The following EPB41L3 variants were observed in gnomAD, a reference collection of about 807,000 sequenced individuals.
The protein encoded by EPB41L3 is erythrocyte membrane protein band 4.1 like 3.
EPB41L3 carries 57 observed loss-of-function variants against 127.1 expected under a neutral mutation model. The ratio of observed to expected loss-of-function variants is 0.45; its 90% CI spans 0.36 to 0.56. EPB41L3 has a LOEUF of 0.56. EPB41L3 is among the 20% of genes least tolerant of loss of function. The probability of loss-of-function intolerance (pLI) is 0.00; values close to 1 mark genes in which losing one functional copy is unlikely to be tolerated. For missense variants in EPB41L3, 1,273 were observed against 1,372.2 expected (o/e 0.93, Z 1.14); for synonymous variants, 572 against 549.5 (o/e 1.04, Z -0.57).
At chr18:5,486,848 G>A (rs2089838595) in intron 2 of EPB41L3, among the ~76,000 whole-genome samples, 1 of 152,132 alleles carries the variant, frequency 6.6e-6, no homozygotes, top group Non-Finnish European at 1.5e-5. Context: ...AAGGATGTGG[G>A]GAAAGGAGAA....
At chr18:5,557,975 C>A (rs144804885) in intron 3 of EPB41L3, among the ~76,000 whole-genome samples, 1 of 152,282 alleles carries the variant, frequency 6.6e-6, no homozygotes, top group East Asian at 1.9e-4. Flanking sequence ...AAAAGTAGTT[C>A]CAACAAGATT....
intron 19 of EPB41L3, 42 bp downstream of exon 19, chr18:5,396,159 G>A: frequency 6.2e-7 from 1 of 1,613,128 alleles, no homozygotes; most frequent in Non-Finnish European, 8.5e-7. Context: ...ATAGAGGGGT[G>A]AAATAAGCAG....
intron 1 of EPB41L3, among the ~76,000 whole-genome samples, chr18:5,499,486 G>A (rs34089422): frequency 0.021 from 3,250 of 152,130 alleles, 53 homozygotes; most frequent in Admixed American, 0.032. Context: ...TGTTTTGGCT[G>A]GGTGCGGTGG....
At chr18:5,601,853 C>T (rs753881088) in intron 3 of EPB41L3, among the ~76,000 whole-genome samples, 1 of 152,114 alleles carries the variant, frequency 6.6e-6, no homozygotes, top group Non-Finnish European at 1.5e-5. Context: ...TAAACTGTAA[C>T]TCCATTATCA....
At chr18:5,624,301 A>C (rs988732662) in intron 1 of EPB41L3, among the ~76,000 whole-genome samples, 1 of 152,200 alleles carries the variant, frequency 6.6e-6, no homozygotes, top group Non-Finnish European at 1.5e-5. Flanking sequence ...GGCCTCGCTC[A>C]TGTATTTAGG....
intron 11 of EPB41L3, among the ~76,000 whole-genome samples, chr18:5,420,909 T>C (rs1963827): frequency 0.7 from 106,407 of 152,046 alleles, 38,627 homozygotes; most frequent in Non-Finnish European, 0.81. Context: ...CTAAACTATG[T>C]CACTAAAATA....
intron 3 of EPB41L3, among the ~76,000 whole-genome samples, chr18:5,461,058 AGTC>A (rs2083915726): frequency 6.6e-6 from 1 of 152,170 alleles, no homozygotes; most frequent in Non-Finnish European, 1.5e-5. Context: ...AGGAATTTGC[AGTC>A]ATCATACTAT....
At chr18:5,471,034 G>A (rs535559940) in intron 3 of EPB41L3, among the ~76,000 whole-genome samples, 6 of 152,138 alleles carry the variant, frequency 3.9e-5, no homozygotes, top group Non-Finnish European at 8.8e-5. Flanking sequence ...GAGTAGAAAG[G>A]GTAGCATCCT....
At chr18:5,407,764 T>A in intron 14 of EPB41L3, 28 bp from the exon 15 acceptor site, 1 of 1,612,350 alleles carries the variant, frequency 6.2e-7, no homozygotes, top group Non-Finnish European at 8.5e-7. Flanking sequence ...GAGTGGGAAA[T>A]AAAGTCTTAC....
rs368826257 is a variant in EPB41L3, at chr18:5,406,930, T to C, written c.2196A>G (p.Gln732=). The stretch of plus-strand genomic sequence containing the variant: ...TTCTTTTCAGCTCGCTAATGTTGGT[T>C]TGATGTTTCATCAGGTCATCTTGAG... The part of the protein sequence containing the change: ...EKTQDDLMKH[Q]TNISELKRTF... The change falls in exon 16 of 23, where the codon CAA becomes CAG. Residue 732 remains glutamine, a synonymous_variant. Coordinates refer to ENST00000341928, the MANE Select transcript of EPB41L3 (RefSeq NM_012307.5). 3 of 1,614,236 alleles carry C rather than the reference T, an allele frequency of 1.9e-6. No homozygotes were observed. The African/African-American group carries it at 4.0e-5, about 22-fold the overall frequency.
chr18:5,437,361 C>CG (rs2080010112), intron 6 of EPB41L3, among the ~76,000 whole-genome samples: 1 of 152,164 alleles, frequency 6.6e-6, no homozygotes, highest in Non-Finnish European at 1.5e-5. Context: ...ACCTGACCTG[C>CG]GGGCACCCTG....
Position 5,397,558 on chromosome 18 carries a change from A to G in EPB41L3, c.2473-132T>C. On this transcript the variant is annotated intron_variant, in intron 17 of 22. Coordinates refer to ENST00000341928, the MANE Select transcript of EPB41L3 (RefSeq NM_012307.5). The surrounding 1 kb of genome is among the most constrained non-coding windows in gnomAD (Gnocchi z 4.1). ...TTATAACCAGAAACACTGACGAAAAATATAAATTAGCTTTCATTTCTCCCA... is the reference window on the plus strand; with the variant it reads ...TTATAACCAGAAACACTGACGAAAAGTATAAATTAGCTTTCATTTCTCCCA... 5.3e-6 allele frequency: 6 copies of G among 1,127,266 alleles called. No homozygotes were observed. The highest frequency in any genetic ancestry group is 7.4e-6 in the Non-Finnish European group (6 of 805,680). The allele number at this position is 1,127,266 out of a possible 1,614,324, so 69.8% of individuals were successfully genotyped here. A position where few individuals can be genotyped will look rare whatever the true frequency, so the allele number is the denominator to read the frequency against.
chr18:5,522,116 T>G (rs965757637), intron 1 of EPB41L3, among the ~76,000 whole-genome samples: 1 of 152,116 alleles, frequency 6.6e-6, no homozygotes, highest in African/African-American at 2.4e-5. Flanking sequence ...ATTTATTTAT[T>G]TTTTAGAGCT....
At chr18:5,453,616 T>C (rs1266305849) in intron 3 of EPB41L3, among the ~76,000 whole-genome samples, 1 of 152,212 alleles carries the variant, frequency 6.6e-6, no homozygotes, top group Non-Finnish European at 1.5e-5. Flanking sequence ...TTTGAGGGGC[T>C]GTCTACACCG....
chr18:5,419,584 T>C, intron 12 of EPB41L3, 127 bp downstream of exon 12: 2 of 1,286,518 alleles, frequency 1.6e-6, no homozygotes, highest in Non-Finnish European at 2.1e-6. Flanking sequence ...AATTGACATA[T>C]GAATGTGACC....
chr18:5,624,720 G>A (rs910273648), intron 1 of EPB41L3, among the ~76,000 whole-genome samples: 1 of 152,160 alleles, frequency 6.6e-6, no homozygotes, highest in Non-Finnish European at 1.5e-5. Flanking sequence ...AAGTTACCGT[G>A]GAGCCCCCAC....
chr18:5,418,031 C>A (rs1568071031), intron 12 of EPB41L3, among the ~76,000 whole-genome samples: 2 of 152,176 alleles, frequency 1.3e-5, no homozygotes, highest in African/African-American at 4.8e-5. Flanking sequence ...AAAGTAAGTA[C>A]CCTCTGCGTT....
chr18:5,589,118 TAAA>T (rs935755391), intron 3 of EPB41L3, among the ~76,000 whole-genome samples: 1 of 152,114 alleles, frequency 6.6e-6, no homozygotes, highest in Admixed American at 6.6e-5. Context: ...ACTAAAGACA[TAAA>T]AAGAGTTTAC....
chr18:5,397,401 CTGGACTCCGTCT>C lies in EPB41L3; in HGVS notation c.2486_2497del (p.Lys829_Ser832del). On this transcript the variant is annotated inframe_deletion, in exon 18 of 23. Coordinates refer to ENST00000341928, the MANE Select transcript of EPB41L3 (RefSeq NM_012307.5). This position sits in a 1 kb window ranked among gnomAD's most constrained non-coding sequence, Gnocchi z 4.1. ...CACGGTGGGTTCCGTCTCTATTCCACTGGACTCCGTCTTGGTTTCCATTTTCTGCATGGGAAG... is the reference window on the plus strand; with the variant it reads ...CACGGTGGGTTCCGTCTCTATTCCACTGGTTTCCATTTTCTGCATGGGAAG... 6.2e-7 allele frequency: 1 copy of C among 1,612,438 alleles called. No homozygotes were observed. The highest frequency in any genetic ancestry group is 8.5e-7 in the Non-Finnish European group (1 of 1,179,060).
Sources: allele counts gnomAD v4.1 joint callset (sites outside exome capture counted in the v4.1 genomes callset), GRCh38; gene constraint gnomAD v4.1.1; non-coding constraint Gnocchi (gnomAD v3.1); transcripts MANE v1.5; gene names NCBI Gene and HGNC (gene_info 2026-07-23, HGNC 2026-07-21).